The following GRAMD2B variants were observed in gnomAD, a reference collection of about 807,000 sequenced individuals.
GRAMD2B encodes GRAM domain containing 2B.
GRAMD2B carries 41 observed loss-of-function variants against 59.2 expected under a neutral mutation model. The observed-to-expected ratio is 0.69, with a 90% CI of 0.54 to 0.90. GRAMD2B has a LOEUF of 0.90. Ranked by LOEUF, GRAMD2B falls within the 40% of genes least tolerant of loss-of-function variation. GRAMD2B has a pLI of 0.00. For synonymous variants in GRAMD2B, 161 were observed against 182.7 expected (o/e 0.88, Z 0.96); for missense variants, 424 against 500.5 (o/e 0.85, Z 1.46).
chr5:126,458,051 C>T (rs973224898), intron 1 of GRAMD2B, among the ~76,000 whole-genome samples: 1 of 152,154 alleles, frequency 6.6e-6, no homozygotes, highest in African/African-American at 2.4e-5. Flanking sequence ...TGGGATTTTA[C>T]TTTCTTGTTG....
intron 1 of GRAMD2B, among the ~76,000 whole-genome samples, chr5:126,438,155 G>T (rs1217525363): frequency 6.6e-6 from 1 of 152,152 alleles, no homozygotes; most frequent in East Asian, 1.9e-4. Flanking sequence ...TTATTTTCTA[G>T]GTGGCTCAGG....
chr5:126,430,695 AAG>A (rs1168752693), intron 1 of GRAMD2B, among the ~76,000 whole-genome samples: 2 of 152,202 alleles, frequency 1.3e-5, no homozygotes, highest in Admixed American at 6.5e-5. Context: ...ACAAGAAAAA[AAG>A]AAAAAGAAAA....
chr5:126,430,986 T>A (rs1761472601), intron 1 of GRAMD2B, among the ~76,000 whole-genome samples: 1 of 152,190 alleles, frequency 6.6e-6, no homozygotes, highest in Admixed American at 6.5e-5. Flanking sequence ...GGGTTGATAT[T>A]TTTTAAAGAA....
chr5:126,448,229 G>C (rs896896234), intron 1 of GRAMD2B, among the ~76,000 whole-genome samples: 7 of 152,112 alleles, frequency 4.6e-5, no homozygotes, highest in Non-Finnish European at 1.0e-4. Flanking sequence ...TACTGGAAAG[G>C]AGCACAAAGA....
chr5:126,361,276 A>G lies in GRAMD2B; in HGVS notation c.128+817A>G, dbSNP rs963940114. Among the ~76,000 whole-genome samples, 7 of 152,188 alleles carry G rather than the reference A, an allele frequency of 4.6e-5. No homozygotes were observed. The South Asian group carries it at 1.0e-3, about 23-fold the overall frequency. On this transcript the variant is annotated intron_variant, in intron 1 of 13. Coordinates refer to the GRAMD2B transcript ENST00000513040. ...TGAAGGGTACACATAAACACTGTGA[A>G]GAAAAACACTGTCTGTGAGGCATGA...
upstream of GRAMD2B, chr5:126,423,399 G>A (rs111653222): frequency 9.5e-6 from 13 of 1,361,270 alleles, no homozygotes; most frequent in African/African-American, 1.4e-4. Context: ...TTTCCACAGT[G>A]GGTCGGACCA....
intron 1 of GRAMD2B, among the ~76,000 whole-genome samples, chr5:126,364,828 AC>A (rs1160021182): frequency 6.6e-6 from 1 of 152,296 alleles, no homozygotes; most frequent in East Asian, 1.9e-4. Flanking sequence ...TCATTCCCAA[AC>A]AAATCTTTCT....
chr5:126,394,163 T>C (rs1256566699), intron 1 of GRAMD2B, among the ~76,000 whole-genome samples: 1 of 151,312 alleles, frequency 6.6e-6, no homozygotes, highest in Non-Finnish European at 1.5e-5. Context: ...TAGTCCCAGC[T>C]ACTCGGGAGG....
intron 1 of GRAMD2B, among the ~76,000 whole-genome samples, chr5:126,425,062 G>A (rs1215683371): frequency 1.3e-5 from 2 of 152,140 alleles, no homozygotes; most frequent in African/African-American, 4.8e-5. Context: ...TCATGATCTG[G>A]ACCCACACAG....
intron 1 of GRAMD2B, among the ~76,000 whole-genome samples, chr5:126,389,924 C>T (rs1264741170): frequency 2.6e-5 from 4 of 151,696 alleles, no homozygotes; most frequent in Admixed American, 6.6e-5. Context: ...CTCCAACCTG[C>T]GCAACAGAGT....
At chr5:126,454,120 G>A (rs527619912) in intron 1 of GRAMD2B, among the ~76,000 whole-genome samples, 1 of 152,240 alleles carries the variant, frequency 6.6e-6, no homozygotes, top group East Asian at 1.9e-4. Context: ...ATATAAGTGC[G>A]GCCAAGGTAA....
At chr5:126,479,675 T>C (rs557079025) in intron 6 of GRAMD2B, among the ~76,000 whole-genome samples, 1 of 152,312 alleles carries the variant, frequency 6.6e-6, no homozygotes, top group Non-Finnish European at 1.5e-5. Flanking sequence ...ACCCACAATA[T>C]TAATTACTTT....
chr5:126,476,859 G>A (rs1770725194), intron 5 of GRAMD2B, among the ~76,000 whole-genome samples: 1 of 152,058 alleles, frequency 6.6e-6, no homozygotes, highest in African/African-American at 2.4e-5. Context: ...TCAACACTGG[G>A]CATTTTGCAT....
At chr5:126,473,453 G>T (rs11746520) in intron 5 of GRAMD2B, 85 bp downstream of exon 5, 1 of 441,262 alleles carries the variant, frequency 2.3e-6, no homozygotes, top group South Asian at 7.7e-5. Flanking sequence ...AGCTATATTT[G>T]TAGATATTTG....
chr5:126,410,661 C>G (rs1164588981), intron 1 of GRAMD2B, among the ~76,000 whole-genome samples: 1 of 152,042 alleles, frequency 6.6e-6, no homozygotes, highest in East Asian at 1.9e-4. Context: ...TTTGAAAAGT[C>G]TCCAAACTTC....
intron 1 of GRAMD2B, among the ~76,000 whole-genome samples, chr5:126,430,761 G>A (rs1163531779): frequency 2.0e-5 from 3 of 152,278 alleles, no homozygotes; most frequent in Admixed American, 2.0e-4. Context: ...TTAAAGACAG[G>A]TCAGTGCCTT....
chr5:126,405,713 T>G (rs1029867031), intron 1 of GRAMD2B, among the ~76,000 whole-genome samples: 3 of 151,754 alleles, frequency 2.0e-5, no homozygotes, highest in Non-Finnish European at 4.4e-5. Flanking sequence ...ATCTAGAAAT[T>G]TCTAAGTTGC....
intron 1 of GRAMD2B, among the ~76,000 whole-genome samples, chr5:126,363,416 C>T (rs1354905019): frequency 2.0e-5 from 3 of 152,098 alleles, no homozygotes; most frequent in African/African-American, 7.2e-5. Context: ...TTTGTCAGTT[C>T]CTCAAAAAGT....
At chr5:126,398,555 A>G (rs1039930501) in intron 1 of GRAMD2B, among the ~76,000 whole-genome samples, 4 of 152,078 alleles carry the variant, frequency 2.6e-5, no homozygotes, top group Admixed American at 2.6e-4. Context: ...CTTTTTAAAA[A>G]ACCAACTCTT....
Sources: gnomAD v4.1 joint callset for allele counts (sites outside exome capture counted in the v4.1 genomes callset) on GRCh38, gnomAD v4.1.1 for gene constraint, MANE v1.5 for transcripts, NCBI Gene and HGNC (gene_info 2026-07-23, HGNC 2026-07-21) for gene names.